The following WDPCP variants were observed in gnomAD, a reference collection of about 807,000 sequenced individuals.
WDPCP encodes the protein WD repeat-containing and planar cell polarity effector protein fritz homolog.
In WDPCP, 71 loss-of-function variants were observed where a neutral mutation model predicts 93.1. The observed-to-expected ratio is 0.76, with a 90% confidence interval of 0.63 to 0.93. The LOEUF is 0.93. WDPCP is among the 40% of genes least tolerant of loss of function. The pLI, the probability that WDPCP is intolerant of heterozygous loss-of-function variation, is 0.00. For synonymous variants in WDPCP, 315 were observed against 315.0 expected (o/e 1.00, Z 0.00); for missense variants, 844 against 887.4 (o/e 0.95, Z 0.62).
At chr2:63,584,626 TG>T (rs1291757010) in intron 1 of WDPCP, among the ~76,000 whole-genome samples, 1 of 152,214 alleles carries the variant, frequency 6.6e-6, no homozygotes, top group African/African-American at 2.4e-5. Flanking sequence ...TCTAGAGCTG[TG>T]CTCTTAGAAA....
At chr2:63,192,293 A>T (rs941230172) in intron 14 of WDPCP, among the ~76,000 whole-genome samples, 1 of 152,194 alleles carries the variant, frequency 6.6e-6, no homozygotes, top group African/African-American at 2.4e-5. Flanking sequence ...TTTGTTCAAC[A>T]AAAGTGCTAA....
intron 2 of WDPCP, among the ~76,000 whole-genome samples, chr2:63,690,345 T>C (rs559627631): frequency 1.3e-5 from 2 of 152,232 alleles, no homozygotes; most frequent in Non-Finnish European, 1.5e-5. Context: ...AAGTGATTTA[T>C]GTAGAGCTAG....
intron 2 of WDPCP, among the ~76,000 whole-genome samples, chr2:63,801,435 C>T (rs1670692038): frequency 6.6e-6 from 1 of 152,126 alleles, no homozygotes; most frequent in Admixed American, 6.5e-5. Context: ...GAGTGAGGAG[C>T]AGCAAGATTT....
chr2:63,381,949 A>G lies in WDPCP; in HGVS notation c.1581T>C (p.Ile527=). 1.2e-6 allele frequency: 2 copies of G among 1,613,548 alleles called. No homozygotes were observed. Among genetic ancestry groups the G allele is most frequent in the Admixed American group, 1.7e-5 (1 of 59,912 alleles). The change falls in exon 11 of 18, where the codon ATT becomes ATC. Residue 527 remains isoleucine, a synonymous_variant. Coordinates refer to ENST00000272321, the MANE Select transcript of WDPCP (RefSeq NM_015910.7). ...GHQCFISMSA[I]VNHLLRQKLT... ...GCTTCTGTCTAAGAAGATGGTTTAC[A>G]ATGGCGCTCATGCTGATAAAGCACT...
chr2:63,431,554 G>GA (rs140153126), intron 9 of WDPCP, among the ~76,000 whole-genome samples: 11,189 of 136,770 alleles, frequency 0.082, 1,262 homozygotes, highest in African/African-American at 0.27. Flanking sequence ...GGCTGCTACT[G>GA]AAAAAAAAAA....
At chr2:63,569,304 G>C (rs1235909564) in intron 1 of WDPCP, among the ~76,000 whole-genome samples, 1 of 152,188 alleles carries the variant, frequency 6.6e-6, no homozygotes, top group Non-Finnish European at 1.5e-5. Context: ...GTTATCACTG[G>C]TGAGGAAAAA....
intron 2 of WDPCP, among the ~76,000 whole-genome samples, chr2:63,794,627 T>C (rs1414144368): frequency 6.6e-6 from 1 of 152,210 alleles, no homozygotes; most frequent in Non-Finnish European, 1.5e-5. Flanking sequence ...TTGATGACCT[T>C]GTTGAACTGC....
chr2:63,440,169 C>T, intron 6 of WDPCP: 3 of 278,720 alleles, frequency 1.1e-5, no homozygotes, highest in South Asian at 1.2e-4. Context: ...CATATGCAGA[C>T]ATAACTGCTT....
chr2:63,186,931 T>G (rs1187694339), intron 14 of WDPCP, among the ~76,000 whole-genome samples: 1 of 152,088 alleles, frequency 6.6e-6, no homozygotes, highest in Non-Finnish European at 1.5e-5. Flanking sequence ...TTATATCTGG[T>G]GGTCCTATCC....
At chr2:63,308,003 C>T (rs913915366) in intron 13 of WDPCP, among the ~76,000 whole-genome samples, 7 of 151,542 alleles carry the variant, frequency 4.6e-5, no homozygotes, top group Non-Finnish European at 1.0e-4. Context: ...CTACCAAGAA[C>T]TTAAACACAA....
intron 12 of WDPCP, among the ~76,000 whole-genome samples, chr2:63,318,202 AAACCACAATGAGATACCATCTCAT>A (rs1686809915): frequency 6.6e-6 from 1 of 152,220 alleles, no homozygotes; most frequent in Non-Finnish European, 1.5e-5. Flanking sequence ...ATGTGAATCA[AAACCACAATGAGATACCATCTCAT>A]AACCAGTCAG....
chr2:63,629,924 A>T (rs1302482366), intron 3 of WDPCP, among the ~76,000 whole-genome samples: 3 of 152,238 alleles, frequency 2.0e-5, no homozygotes, highest in African/African-American at 4.8e-5. Flanking sequence ...TGAACTAAAA[A>T]ATTTCAAACT....
intron 1 of WDPCP, among the ~76,000 whole-genome samples, chr2:63,513,126 AG>A (rs1702340672): frequency 6.6e-6 from 1 of 152,180 alleles, no homozygotes; most frequent in African/African-American, 2.4e-5. Context: ...ACTTACTTAA[AG>A]AAGACTTACA....
At chr2:63,144,677 G>A (rs139430823) in intron 17 of WDPCP, among the ~76,000 whole-genome samples, 1 of 152,154 alleles carries the variant, frequency 6.6e-6, no homozygotes, top group East Asian at 1.9e-4. Flanking sequence ...GGATTTCCTC[G>A]CATTAAAATT....
chr2:63,673,016 G>T (rs1311121747), intron 2 of WDPCP, among the ~76,000 whole-genome samples: 1 of 152,132 alleles, frequency 6.6e-6, no homozygotes, highest in African/African-American at 2.4e-5. Context: ...GCCTCCCAAA[G>T]TGCTGGGATT....
chr2:63,568,069 A>C (rs1332011202), intron 1 of WDPCP, among the ~76,000 whole-genome samples: 1 of 152,162 alleles, frequency 6.6e-6, no homozygotes, highest in Admixed American at 6.5e-5. Context: ...CATTTACTGA[A>C]AGTTTGCCAT....
chr2:63,791,119 G>A (rs1252572976), intron 2 of WDPCP, among the ~76,000 whole-genome samples: 1 of 152,136 alleles, frequency 6.6e-6, no homozygotes, highest in African/African-American at 2.4e-5. Flanking sequence ...CAGGGAGATA[G>A]GCTGTTTCCA....
At chr2:63,556,211 T>C (rs1257975166) in intron 1 of WDPCP, among the ~76,000 whole-genome samples, 1 of 152,188 alleles carries the variant, frequency 6.6e-6, no homozygotes, top group East Asian at 1.9e-4. Flanking sequence ...ACTACAAGTA[T>C]TAACAGCCAA....
At chr2:63,717,332 A>G (rs1461771578) in intron 2 of WDPCP, 1 of 509,316 alleles carries the variant, frequency 2.0e-6, no homozygotes, top group African/African-American at 2.0e-5. Flanking sequence ...ATGAAAAATG[A>G]TGGCACAATA....
Sources: gnomAD v4.1 joint callset for allele counts (sites outside exome capture counted in the v4.1 genomes callset) on GRCh38, gnomAD v4.1.1 for gene constraint, MANE v1.5 for transcripts, NCBI Gene and HGNC (gene_info 2026-07-23, HGNC 2026-07-21) for gene names.